Variants in CSMD3 observed in about 807,000 individuals in gnomAD.
CSMD3 encodes CUB and Sushi multiple domains 3.
A neutral mutation model predicts 435.2 loss-of-function variants in CSMD3; 177 were observed. The observed-to-expected ratio is 0.41, with a 90% CI of 0.36 to 0.46. The LOEUF is 0.46. CSMD3 is among the 20% of genes least tolerant of loss of function. The pLI is 0.34. For missense variants in CSMD3, 4,265 were observed against 4,504.6 expected (o/e 0.95, Z 1.52); for synonymous variants, 1,656 against 1,520.5 (o/e 1.09, Z -2.07).
chr8:112,636,878 T>C lies in CSMD3; in HGVS notation c.3654A>G (p.Ser1218=), dbSNP rs2074675301. Residue 1218 remains serine (S), a synonymous_variant, in exon 22 of 71, where the codon TCA becomes TCG. Coordinates refer to ENST00000297405, the MANE Select transcript of CSMD3 (RefSeq NM_198123.2). The part of the protein sequence containing the change: ...CSSGYRLEGT[S]EIICLGGGRR... ...GGCCACCACCAAGACAGATGATCTC[T>C]GATGTTCCTTCCAGTCGATAACCCG... The C allele has an allele frequency of 1.2e-6, 2 of 1,612,996 alleles. No individual in the cohort carries two copies. The highest frequency in any genetic ancestry group is 1.1e-5 in the South Asian group (1 of 91,032).
intron 22 of CSMD3, among the ~76,000 whole-genome samples, chr8:112,619,824 C>T (rs186606272): frequency 6.6e-6 from 1 of 151,828 alleles, no homozygotes; most frequent in African/African-American, 2.4e-5. Context: ...AAAAAAATCA[C>T]TTTCGATCAT....
At chr8:113,238,556 A>G (rs2093176211) in intron 3 of CSMD3, among the ~76,000 whole-genome samples, 1 of 152,114 alleles carries the variant, frequency 6.6e-6, no homozygotes, top group Non-Finnish European at 1.5e-5. Flanking sequence ...AGCTTCAGCA[A>G]AAGCCCAGTA....
chr8:112,418,740 A>G (rs1199414797), intron 32 of CSMD3, among the ~76,000 whole-genome samples: 1 of 152,204 alleles, frequency 6.6e-6, no homozygotes, highest in Non-Finnish European at 1.5e-5. Flanking sequence ...ACAAGTTTAG[A>G]TAGAAGTTAC....
intron 24 of CSMD3, among the ~76,000 whole-genome samples, chr8:112,572,866 T>A (rs1224524942): frequency 6.6e-6 from 1 of 152,104 alleles, no homozygotes; most frequent in African/African-American, 2.4e-5. Context: ...GTTTCTTATA[T>A]AACGGTACTA....
chr8:112,410,636 ATG>A (rs1563913166), intron 32 of CSMD3, among the ~76,000 whole-genome samples: 15 of 99,908 alleles, frequency 1.5e-4, no homozygotes, highest in South Asian at 9.9e-4. Flanking sequence ...GTGTATATAT[ATG>A]TATATATATA....
At chr8:113,410,900 T>TGAAGGAAA (rs1554633029) in intron 1 of CSMD3, among the ~76,000 whole-genome samples, 1 of 105,396 alleles carries the variant, frequency 9.5e-6, no homozygotes, top group African/African-American at 4.1e-5. Flanking sequence ...CAAAACCCTG[T>TGAAGGAAA]GAAAGAAAGA....
intron 24 of CSMD3, among the ~76,000 whole-genome samples, chr8:112,569,025 T>A (rs1412632757): frequency 6.6e-6 from 1 of 152,184 alleles, no homozygotes; most frequent in Non-Finnish European, 1.5e-5. Context: ...TACTGAATAT[T>A]CCAGGCTGCT....
intron 45 of CSMD3, among the ~76,000 whole-genome samples, chr8:112,324,191 C>T (rs907517531): frequency 3.3e-5 from 5 of 151,922 alleles, no homozygotes. Flanking sequence ...GCTGAACTTT[C>T]CTGGGTGCTT....
At position 112,755,978 on chromosome 8, in the gene CSMD3, G is replaced by C. The variant is rs2077688578; in HGVS notation, c.1972+44184C>G. ...GGTCACAAGATTGAGATTATTTGAA[G>C]AACAATCTTAGCCACAAGGGAAATG... On this transcript the variant is annotated intron_variant, in intron 13 of 70. Transcript: ENST00000297405. 5.9e-5 allele frequency among the ~76,000 whole-genome samples: 9 copies of C among 151,368 alleles called. No individual in the cohort carries two copies. In the South Asian group the frequency reaches 1.9e-3, roughly 32 times the overall value.
chr8:112,479,674 C>T (rs1819439546), intron 31 of CSMD3, among the ~76,000 whole-genome samples: 2 of 152,154 alleles, frequency 1.3e-5, no homozygotes, highest in African/African-American at 4.8e-5. Context: ...AAGCCATAAT[C>T]CTTGGCAGTT....
chr8:112,936,366 C>T (rs1472032310), intron 9 of CSMD3, among the ~76,000 whole-genome samples: 1 of 151,946 alleles, frequency 6.6e-6, no homozygotes, highest in Non-Finnish European at 1.5e-5. Flanking sequence ...TCACTTTGTC[C>T]AAGTCACAGC....
At chr8:113,036,526 T>C (rs2087358872) in intron 5 of CSMD3, among the ~76,000 whole-genome samples, 1 of 151,994 alleles carries the variant, frequency 6.6e-6, no homozygotes, top group South Asian at 2.1e-4. Flanking sequence ...AATTACCTTA[T>C]TTTATAAGGA....
At position 112,691,335 on chromosome 8, in the gene CSMD3, T is replaced by C. The variant is rs980486115; in HGVS notation, c.1973-1285A>G. 2.0e-5 allele frequency among the ~76,000 whole-genome samples: 3 copies of C among 152,142 alleles called. No individual in the cohort carries two copies. In the East Asian group the frequency reaches 5.8e-4, roughly 29 times the overall value. The stretch of plus-strand genomic sequence containing the variant: ...ACTTTTTTCTTCTGCTCTTCATATC[T>C]AGTTTTAATATCAAGGGAAGATGTT... On this transcript the variant is annotated intron_variant, in intron 13 of 70. Coordinates refer to ENST00000297405, the MANE Select transcript of CSMD3 (RefSeq NM_198123.2).
chr8:112,286,434 G>A (rs1819206694), intron 58 of CSMD3, among the ~76,000 whole-genome samples: 1 of 152,030 alleles, frequency 6.6e-6, no homozygotes, highest in Non-Finnish European at 1.5e-5. Context: ...CCCTTGTCCA[G>A]GGTACCTACC....
intron 1 of CSMD3, among the ~76,000 whole-genome samples, chr8:113,421,853 A>G (rs938419925): frequency 2.6e-5 from 4 of 152,216 alleles, no homozygotes; most frequent in African/African-American, 9.6e-5. Context: ...ACCACTAATG[A>G]AGACAAGAGA....
In CSMD3 at chr8:113,338,212, C is replaced by A. The variant is rs568472316; in HGVS notation, c.179-23419G>T. Among the ~76,000 whole-genome samples, 21 of 151,932 alleles carry A rather than the reference C, an allele frequency of 1.4e-4. No homozygotes were observed. In the East Asian group the frequency reaches 3.7e-3, roughly 27 times the overall value. ...TAACTCAGGAAATGCAAATTAAAAT[C>A]ACAATGAGATACCACTAGATAACCA... On this transcript the variant is annotated intron_variant, in intron 1 of 70. Transcript: ENST00000297405.
chr8:113,329,318 A>G (rs1279320612), intron 1 of CSMD3, among the ~76,000 whole-genome samples: 3 of 152,026 alleles, frequency 2.0e-5, no homozygotes, highest in African/African-American at 4.8e-5. Flanking sequence ...AACCAGATGG[A>G]AATTCTGCAG....
chr8:113,127,011 T>C (rs974217062), intron 4 of CSMD3, among the ~76,000 whole-genome samples: 2 of 151,954 alleles, frequency 1.3e-5, no homozygotes, highest in South Asian at 4.1e-4. Context: ...TTTCTCACTT[T>C]CCCACACCAG....
chr8:113,427,109 T>A (rs998515261), intron 1 of CSMD3, among the ~76,000 whole-genome samples: 1 of 151,360 alleles, frequency 6.6e-6, no homozygotes, highest in Non-Finnish European at 1.5e-5. Context: ...TAATAATGCA[T>A]GTAGAAAAAG....
Sources: allele counts gnomAD v4.1 joint callset (sites outside exome capture counted in the v4.1 genomes callset), GRCh38; gene constraint gnomAD v4.1.1; transcripts MANE v1.5; gene names NCBI Gene and HGNC (gene_info 2026-07-23, HGNC 2026-07-21).